HACD4: variants seen among roughly 807,000 people sequenced by gnomAD.
HACD4 encodes 3-hydroxyacyl-CoA dehydratase 4.
A neutral mutation model predicts 33.3 loss-of-function variants in HACD4; 35 were observed. The observed-to-expected ratio is 1.05, with a 90% CI of 0.80 to 1.39. The LOEUF is 1.39. HACD4 is among the 40% of genes most tolerant of loss of function. HACD4 has a pLI of 0.00. For missense variants in HACD4, 323 were observed against 276.5 expected (o/e 1.17, Z -1.19); for synonymous variants, 118 against 98.0 (o/e 1.20, Z -1.21).
chr9:21,018,836 C>G (rs1817826061), intron 3 of HACD4, among the ~76,000 whole-genome samples: 1 of 151,966 alleles, frequency 6.6e-6, no homozygotes, highest in Non-Finnish European at 1.5e-5. Flanking sequence ...ATTTGGGAAT[C>G]CTAAACTCCA....
At chr9:21,030,383 A>G (rs755649930) in intron 1 of HACD4, among the ~76,000 whole-genome samples, 5 of 152,116 alleles carry the variant, frequency 3.3e-5, no homozygotes, top group Non-Finnish European at 5.9e-5. Flanking sequence ...TAGAGGCTGC[A>G]GTGAACCGAG....
At position 21,005,758 on chromosome 9, in the gene HACD4, C is replaced by T. The variant is rs558152445; in HGVS notation, c.*1279G>A. The T allele has an allele frequency of 6.6e-6, 1 of 152,306 alleles. No individual in the cohort carries two copies. The highest frequency in any genetic ancestry group is 2.1e-4 in the South Asian group (1 of 4,826). 9.4% of individuals were successfully genotyped at this position (152,306 alleles called of 1,614,324 possible). A position where few individuals can be genotyped will look rare whatever the true frequency, so the allele number is the denominator to read the frequency against. ...ACCTCTGCCTCACTGGGTCCTGAAGCCAGAGTATCAGGCCAAAGAGGATTA... is the reference window on the plus strand; with the variant it reads ...ACCTCTGCCTCACTGGGTCCTGAAGTCAGAGTATCAGGCCAAAGAGGATTA... On this transcript the variant is annotated 3_prime_UTR_variant, in exon 7 of 7. Transcript: ENST00000495827. The surrounding 1 kb of genome is among the most constrained non-coding windows in gnomAD (Gnocchi z 4.0).
chr9:21,024,289 A>G (rs77746378), intron 3 of HACD4, among the ~76,000 whole-genome samples: 3,359 of 152,380 alleles, frequency 0.022, 64 homozygotes, highest in Non-Finnish European at 0.034. Flanking sequence ...ACAAAAATTG[A>G]TAATATTCAG....
chr9:21,016,769 G>A (rs982413328), intron 3 of HACD4, among the ~76,000 whole-genome samples: 1 of 144,030 alleles, frequency 6.9e-6, no homozygotes, highest in African/African-American at 2.6e-5. Context: ...CCATCCAATA[G>A]AGAAACTTGT....
chr9:21,027,783 G>T (rs369448572), intron 2 of HACD4, among the ~76,000 whole-genome samples: 51 of 152,322 alleles, frequency 3.3e-4, no homozygotes, highest in Middle Eastern at 3.4e-3. Context: ...GAACGAATCG[G>T]TTGTGTTTCT....
chr9:21,009,576 C>A (rs1842361112), intron 5 of HACD4, among the ~76,000 whole-genome samples: 1 of 152,166 alleles, frequency 6.6e-6, no homozygotes, highest in South Asian at 2.1e-4. Flanking sequence ...TAATTGTATA[C>A]ATATATGAAG....
In HACD4 at chr9:21,029,253, G is replaced by C. The variant is rs761237033; in HGVS notation, c.142+42C>G. ...TATAAGCAGGATGAGGTGAAAACAAGGATTAAAAGTTAAAAATAAAAAAAC... is the reference window on the plus strand; with the variant it reads ...TATAAGCAGGATGAGGTGAAAACAACGATTAAAAGTTAAAAATAAAAAAAC... On this transcript the variant is annotated intron_variant, in intron 2 of 6. Transcript: ENST00000495827. 5 of 1,102,484 alleles carry C rather than the reference G, an allele frequency of 4.5e-6. No individual in the cohort carries two copies. In the East Asian group the frequency reaches 1.2e-4, roughly 26 times the overall value. 68.3% of individuals were successfully genotyped at this position (1,102,484 alleles called of 1,614,324 possible). A position where few individuals can be genotyped will look rare whatever the true frequency, so the allele number is the denominator to read the frequency against.
At chr9:21,020,906 A>G (rs1353143150) in intron 3 of HACD4, among the ~76,000 whole-genome samples, 1 of 152,104 alleles carries the variant, frequency 6.6e-6, no homozygotes, top group Non-Finnish European at 1.5e-5. Flanking sequence ...CTTTCCTTTC[A>G]TATGTAATTT....
chr9:21,009,849 A>G (rs1311789896), intron 5 of HACD4, among the ~76,000 whole-genome samples: 1 of 152,160 alleles, frequency 6.6e-6, no homozygotes, highest in African/African-American at 2.4e-5. Context: ...AACAAAGATA[A>G]TGTATTTGAT....
intron 3 of HACD4, among the ~76,000 whole-genome samples, chr9:21,026,358 A>C (rs997557092): frequency 6.6e-6 from 1 of 152,234 alleles, no homozygotes; most frequent in Admixed American, 6.5e-5. Context: ...ATCTCCTTCC[A>C]GGATAGGACC....
At chr9:21,020,739 T>C (rs1192241430) in intron 3 of HACD4, among the ~76,000 whole-genome samples, 2 of 152,202 alleles carry the variant, frequency 1.3e-5, no homozygotes, top group South Asian at 2.1e-4. Flanking sequence ...AAGTTTACTA[T>C]ATTTTCTTAT....
rs1258063804 is a variant in HACD4, at chr9:20,999,610, A to T, written c.*7427T>A. 1 of 77,850 alleles carries T rather than the reference A, an allele frequency of 1.3e-5. No homozygotes were observed. Among genetic ancestry groups the T allele is most frequent in the Admixed American group, 1.3e-4 (1 of 7,672 alleles). The allele number at this position is 77,850 out of a possible 1,614,324, so 4.8% of individuals were successfully genotyped here. A position where few individuals can be genotyped will look rare whatever the true frequency, so the allele number is the denominator to read the frequency against. ...AAGATACTTATATAAGTTGAAAGAAAAAAACAAAACTTATGTGTCTTCTAA... is the reference window on the plus strand; with the variant it reads ...AAGATACTTATATAAGTTGAAAGAATAAAACAAAACTTATGTGTCTTCTAA... On this transcript the variant is annotated 3_prime_UTR_variant, in exon 7 of 7. Coordinates refer to ENST00000495827, the MANE Select transcript of HACD4 (RefSeq NM_001010915.5).
rs1397910051 is a variant in HACD4, at chr9:21,002,597, A to G, written c.*4440T>C. The G allele has an allele frequency of 2.0e-5, 3 of 152,156 alleles. No homozygotes were observed. Among genetic ancestry groups the G allele is most frequent in the African/African-American group, 2.4e-5 (1 of 41,446 alleles). The allele number at this position is 152,156 out of a possible 1,614,324, so 9.4% of individuals were successfully genotyped here. A position where few individuals can be genotyped will look rare whatever the true frequency, so the allele number is the denominator to read the frequency against. ...AACCATTGCTTAATGAGTATAGGGT[A>G]TAAGTTTTGCAAGGTAAAAAAAGTT... On this transcript the variant is annotated 3_prime_UTR_variant, in exon 7 of 7. Transcript: ENST00000495827.
rs1842136348 is a variant in HACD4 at position 20,999,597 on chromosome 9, T to A, written c.*7440A>T. 3 of 132,378 alleles carry A rather than the reference T, an allele frequency of 2.3e-5. No individual in the cohort carries two copies. The South Asian group carries it at 7.4e-4, about 33-fold the overall frequency. The allele number at this position is 132,378 out of a possible 1,614,324, so 8.2% of individuals were successfully genotyped here. A position where few individuals can be genotyped will look rare whatever the true frequency, so the allele number is the denominator to read the frequency against. Reference sequence around the variant, plus strand: ...GAAGTAGCATGTTAAGATACTTATATAAGTTGAAAGAAAAAAACAAAACTT... The same window carrying A: ...GAAGTAGCATGTTAAGATACTTATAAAAGTTGAAAGAAAAAAACAAAACTT... On this transcript the variant is annotated 3_prime_UTR_variant, in exon 7 of 7. Coordinates refer to ENST00000495827, the MANE Select transcript of HACD4 (RefSeq NM_001010915.5).
intron 5 of HACD4, among the ~76,000 whole-genome samples, chr9:21,009,891 A>G (rs913827565): frequency 6.6e-6 from 1 of 152,198 alleles, no homozygotes; most frequent in African/African-American, 2.4e-5. Context: ...ATTCTTAAAG[A>G]ATGGACAATC....
At chr9:21,028,107 C>G (rs1818109354) in intron 2 of HACD4, among the ~76,000 whole-genome samples, 1 of 144,668 alleles carries the variant, frequency 6.9e-6, no homozygotes, top group African/African-American at 2.6e-5. Context: ...TGCACTCCAG[C>G]CTGGGCGACA....
At position 21,015,730 on chromosome 9, in the gene HACD4, G is replaced by A. The variant is rs561731689; in HGVS notation, c.383+168C>T. 11 of 485,914 alleles carry A rather than the reference G, an allele frequency of 2.3e-5. No homozygotes were observed. The South Asian group carries it at 3.4e-4, about 15-fold the overall frequency. 30.1% of individuals were successfully genotyped at this position (485,914 alleles called of 1,614,324 possible). A position where few individuals can be genotyped will look rare whatever the true frequency, so the allele number is the denominator to read the frequency against. Reference sequence around the variant, plus strand: ...GGTAGGTTTTCATTATCTTTGATATGCCCATTATGGAGAACACTAAAAATA... The same window carrying A: ...GGTAGGTTTTCATTATCTTTGATATACCCATTATGGAGAACACTAAAAATA... On this transcript the variant is annotated intron_variant, in intron 4 of 6. Coordinates refer to ENST00000495827, the MANE Select transcript of HACD4 (RefSeq NM_001010915.5).
At chr9:21,025,218 G>A (rs1271916961) in intron 3 of HACD4, among the ~76,000 whole-genome samples, 1 of 151,862 alleles carries the variant, frequency 6.6e-6, no homozygotes, top group African/African-American at 2.4e-5. Flanking sequence ...TATCCTAATG[G>A]ATACTATTTC....
At chr9:21,018,642 T>A (rs914624145) in intron 3 of HACD4, among the ~76,000 whole-genome samples, 1 of 152,208 alleles carries the variant, frequency 6.6e-6, no homozygotes, top group Admixed American at 6.5e-5. Context: ...TTGTCATTTT[T>A]AACAAACCCT....
Sources: allele counts gnomAD v4.1 joint callset (sites outside exome capture counted in the v4.1 genomes callset), GRCh38; gene constraint gnomAD v4.1.1; non-coding constraint Gnocchi (gnomAD v3.1); transcripts MANE v1.5; gene names NCBI Gene and HGNC (gene_info 2026-07-23, HGNC 2026-07-21).